PRKCE: variants seen among roughly 807,000 people sequenced by gnomAD.
PRKCE encodes protein kinase C epsilon type.
Under a neutral mutation model 85.4 loss-of-function variants are expected in PRKCE, and 16 were observed. The ratio of observed to expected loss-of-function variants is 0.19; its 90% CI spans 0.13 to 0.28. The LOEUF (loss-of-function observed/expected upper bound fraction) is 0.28, where lower values mean the gene tolerates loss of function less well. PRKCE is among the 10% of genes least tolerant of loss of function. The pLI, the probability that PRKCE is intolerant of heterozygous loss-of-function variation, is 1.00. For synonymous variants in PRKCE, 388 were observed against 371.5 expected (o/e 1.04, Z -0.51); for missense variants, 573 against 975.2 (o/e 0.59, Z 5.49).
chr2:45,944,019 G>C (rs1700065482), intron 2 of PRKCE, among the ~76,000 whole-genome samples: 1 of 152,208 alleles, frequency 6.6e-6, no homozygotes, highest in African/African-American at 2.4e-5. Flanking sequence ...ATAGATGGTG[G>C]GGGCGATGGC....
intron 1 of PRKCE, among the ~76,000 whole-genome samples, chr2:45,743,995 T>TGTG (rs369073691): frequency 2.7e-4 from 3 of 10,958 alleles, no homozygotes; most frequent in African/African-American, 3.2e-4. Flanking sequence ...CCGTTGTGTG[T>TGTG]TTTTTTTTTT....
intron 2 of PRKCE, among the ~76,000 whole-genome samples, chr2:45,955,794 A>G (rs186324801): frequency 0.011 from 1,558 of 145,268 alleles, 30 homozygotes; most frequent in African/African-American, 0.038. Flanking sequence ...TTTTCCCTCT[A>G]TTTAAAAAAA....
At chr2:46,054,427 T>A (rs1666365788) in intron 10 of PRKCE, among the ~76,000 whole-genome samples, 1 of 152,216 alleles carries the variant, frequency 6.6e-6, no homozygotes, top group African/African-American at 2.4e-5. Context: ...CTCTACTATT[T>A]TTTTTCTACT....
chr2:46,180,448 G>A (rs1259206774), intron 14 of PRKCE, among the ~76,000 whole-genome samples: 2 of 152,202 alleles, frequency 1.3e-5, no homozygotes, highest in Admixed American at 1.3e-4. Context: ...GATGTGCAAT[G>A]AAGCATCTCA....
intron 1 of PRKCE, among the ~76,000 whole-genome samples, chr2:45,812,891 C>T (rs1688752077): frequency 6.6e-6 from 1 of 152,096 alleles, no homozygotes; most frequent in Non-Finnish European, 1.5e-5. Flanking sequence ...TAATAGTCCG[C>T]CAGGAAAATG....
At chr2:45,681,288 CAAAAAAAAAAAAAAAAA>C (rs10532828) in intron 1 of PRKCE, among the ~76,000 whole-genome samples, 2 of 61,774 alleles carry the variant, frequency 3.2e-5, no homozygotes, top group East Asian at 6.9e-4. Context: ...GACTCTGTCT[CAAAAAAAAAAAAAAAAA>C]AAAAAAAAAA....
chr2:45,796,994 C>T (rs1276920686), intron 1 of PRKCE, among the ~76,000 whole-genome samples: 1 of 152,188 alleles, frequency 6.6e-6, no homozygotes, highest in South Asian at 2.1e-4. Context: ...GGTTACGTAA[C>T]TCCATTTACT....
At chr2:45,858,081 T>G (rs1422810709) in intron 2 of PRKCE, among the ~76,000 whole-genome samples, 1 of 152,058 alleles carries the variant, frequency 6.6e-6, no homozygotes, top group East Asian at 1.9e-4. Context: ...ATAGGTGGGT[T>G]TGAGTCACCA....
chr2:45,813,807 T>C (rs1046132241), intron 1 of PRKCE, among the ~76,000 whole-genome samples: 4 of 152,210 alleles, frequency 2.6e-5, no homozygotes, highest in Admixed American at 1.3e-4. Context: ...TCAGGAATCG[T>C]TGAGCTGATG....
intron 10 of PRKCE, among the ~76,000 whole-genome samples, chr2:46,076,026 T>C (rs1050853503): frequency 2.6e-5 from 4 of 152,196 alleles, no homozygotes; most frequent in African/African-American, 9.6e-5. Context: ...GCCAGCATAC[T>C]GGAAAGTGAT....
intron 10 of PRKCE, among the ~76,000 whole-genome samples, chr2:46,030,408 AC>A (rs1388660238): frequency 6.6e-6 from 1 of 152,088 alleles, no homozygotes; most frequent in African/African-American, 2.4e-5. Flanking sequence ...CTCCCAGAAT[AC>A]CCCAAGTAGT....
chr2:45,778,731 C>T (rs992938308), intron 1 of PRKCE, among the ~76,000 whole-genome samples: 13 of 152,126 alleles, frequency 8.5e-5, no homozygotes, highest in Admixed American at 7.9e-4. Context: ...ATGTATGTTC[C>T]CGGCTGATGG....
chr2:45,868,415 T>G (rs1053317359), intron 2 of PRKCE, among the ~76,000 whole-genome samples: 1 of 149,132 alleles, frequency 6.7e-6, no homozygotes, highest in Non-Finnish European at 1.5e-5. Flanking sequence ...CACTAAGGTA[T>G]AAGTAGTTGC....
intron 14 of PRKCE, among the ~76,000 whole-genome samples, chr2:46,165,080 G>A (rs144526542): frequency 4.7e-4 from 72 of 152,264 alleles, no homozygotes; most frequent in African/African-American, 1.1e-3. Context: ...AGCCTCCCTT[G>A]TCTAACCCCT....
At chr2:45,893,353 C>CTTTTT (rs61708342) in intron 2 of PRKCE, among the ~76,000 whole-genome samples, 8 of 136,430 alleles carry the variant, frequency 5.9e-5, no homozygotes, top group Non-Finnish European at 7.8e-5. Context: ...CTTTTCTTTT[C>CTTTTT]TTTTTTTTTT....
intron 1 of PRKCE, among the ~76,000 whole-genome samples, chr2:45,783,918 C>T (rs1686390951): frequency 6.6e-6 from 1 of 152,200 alleles, no homozygotes; most frequent in Non-Finnish European, 1.5e-5. Flanking sequence ...CTGCTGCAGC[C>T]TCCATTCATT....
intron 11 of PRKCE, among the ~76,000 whole-genome samples, chr2:46,089,978 T>G (rs1288383176): frequency 6.6e-6 from 1 of 152,146 alleles, no homozygotes; most frequent in African/African-American, 2.4e-5. Context: ...GCATCCAAGA[T>G]CTGACTGCCT....
At chr2:45,931,794 C>T (rs956866081) in intron 2 of PRKCE, among the ~76,000 whole-genome samples, 1 of 152,088 alleles carries the variant, frequency 6.6e-6, no homozygotes, top group Non-Finnish European at 1.5e-5. Flanking sequence ...GCAGCCTTCG[C>T]CTCCCGGGTT....
chr2:45,845,058 C>A (rs998772043), intron 2 of PRKCE, among the ~76,000 whole-genome samples: 1 of 146,542 alleles, frequency 6.8e-6, no homozygotes, highest in Admixed American at 6.9e-5. Context: ...AGACATTTTT[C>A]TACTTTTTTT....
Sources: gnomAD v4.1 joint callset for allele counts (sites outside exome capture counted in the v4.1 genomes callset) on GRCh38, gnomAD v4.1.1 for gene constraint, MANE v1.5 for transcripts, NCBI Gene and HGNC (gene_info 2026-07-23, HGNC 2026-07-21) for gene names.